ACOX3: variants seen among roughly 807,000 people sequenced by gnomAD.
ACOX3 encodes peroxisomal acyl-coenzyme A oxidase 3.
In ACOX3, 73 loss-of-function variants were observed where a neutral mutation model predicts 81.5. The ratio of observed to expected loss-of-function variants is 0.90; its 90% CI spans 0.74 to 1.09. The LOEUF is 1.09. Ranked by LOEUF, ACOX3 falls within the 50% of genes least tolerant of loss-of-function variation. The probability of loss-of-function intolerance (pLI) is 0.00; values close to 1 mark genes in which losing one functional copy is unlikely to be tolerated. For missense variants in ACOX3, 947 were observed against 928.0 expected (o/e 1.02, Z -0.27); for synonymous variants, 387 against 375.1 (o/e 1.03, Z -0.37).
chr4:8,411,648 C>G (rs771187674), intron 5 of ACOX3, among the ~76,000 whole-genome samples: 12 of 152,236 alleles, frequency 7.9e-5, no homozygotes, highest in Non-Finnish European at 1.3e-4. Context: ...CTGCACTGCT[C>G]CACACAGATC....
rs76179790 is a variant in ACOX3, at chr4:8,431,766, T to C, written c.-15+8882A>G. On this transcript the variant is annotated intron_variant, in intron 1 of 17. Transcript: ENST00000356406. The surrounding 1 kb of genome is among the most constrained non-coding windows in gnomAD (Gnocchi z 5.3). ...AGGGCCTCACCCACCCCCTCTCTTG[T>C]TTATCTTGACTTCTGTCCCACTTCT... 9.2e-5 allele frequency among the ~76,000 whole-genome samples: 14 copies of C among 152,258 alleles called. No individual in the cohort carries two copies. The East Asian group carries it at 2.7e-3, about 29-fold the overall frequency.
At chr4:8,363,922 A>T (rs937767946), downstream of ACOX3, among the ~76,000 whole-genome samples, 1 of 152,158 alleles carries the variant, frequency 6.6e-6, no homozygotes, top group African/African-American at 2.4e-5. Context: ...CCCTTTGATT[A>T]TTATATCACC....
intron 15 of ACOX3, chr4:8,374,311 C>G (rs1716647743): frequency 6.5e-6 from 1 of 153,064 alleles, no homozygotes; most frequent in Non-Finnish European, 1.5e-5. Context: ...ACACTTGTGT[C>G]CCTTCCTTGG....
intron 13 of ACOX3, among the ~76,000 whole-genome samples, chr4:8,383,140 C>A (rs546852308): frequency 6.6e-6 from 1 of 152,232 alleles, no homozygotes; most frequent in Non-Finnish European, 1.5e-5. Context: ...CAGGCTCACA[C>A]GTCAGGCGGC....
intron 7 of ACOX3, among the ~76,000 whole-genome samples, chr4:8,404,249 C>A (rs1560190158): frequency 6.6e-6 from 1 of 152,214 alleles, no homozygotes; most frequent in Non-Finnish European, 1.5e-5. Flanking sequence ...AAGCGCCTCC[C>A]AGGCACCCTG....
Position 8,414,578 on chromosome 4 carries a change from C to G in ACOX3, c.454-197G>C, listed in dbSNP as rs769843104. Among the ~76,000 whole-genome samples the G allele has an allele frequency of 2.4e-4, 36 of 152,170 alleles. No individual in the cohort carries two copies. Among genetic ancestry groups the G allele is most frequent in the Non-Finnish European group, 5.0e-4 (34 of 68,026 alleles). Reference sequence around the variant, plus strand: ...ACCACAGCAGCCTAAACCAAGCTGACCGCAGCTGCTCCACGTCAGCAAGGT... The same window carrying G: ...ACCACAGCAGCCTAAACCAAGCTGAGCGCAGCTGCTCCACGTCAGCAAGGT... On this transcript the variant is annotated intron_variant, in intron 4 of 17. Transcript: ENST00000356406. The surrounding 1 kb of genome is among the most constrained non-coding windows in gnomAD (Gnocchi z 6.1).
chr4:8,396,450 G>A (rs534220556), intron 9 of ACOX3, among the ~76,000 whole-genome samples: 2 of 152,316 alleles, frequency 1.3e-5, no homozygotes, highest in African/African-American at 2.4e-5. Flanking sequence ...GCTGAGGCAG[G>A]TGGATCACTG....
Position 8,389,326 on chromosome 4 carries a change from A to C in ACOX3, c.1424-40T>G. 4 of 1,575,754 alleles carry C rather than the reference A, an allele frequency of 2.5e-6. No individual in the cohort carries two copies. The highest frequency in any genetic ancestry group is 3.5e-6 in the Non-Finnish European group (4 of 1,153,468). ...CCAGTGACTTTGGTGGAAGACAGGA[A>C]CCCAAACCATTGGGAACCCCAAGCT... On this transcript the variant is annotated intron_variant, in intron 12 of 17. Transcript: ENST00000356406. The surrounding 1 kb of genome is among the most constrained non-coding windows in gnomAD (Gnocchi z 5.3).
In ACOX3 at chr4:8,397,032, G is replaced by A. The variant is rs1282309281; in HGVS notation, c.961C>T (p.Leu321=). Residue 321 remains leucine (L), a synonymous_variant, in exon 9 of 18, where the codon CTG becomes TTG. Transcript: ENST00000356406. ...IVSLAILNLK[L]AVAIALRFSA... ...AAGCGAAGAGCGATGGCCACGGCCA[G>A]CTTTAGGTTAAGGATGGCCAGGCTC... is the stretch of plus-strand genomic sequence containing the variant. 6.2e-7 allele frequency: 1 copy of A among 1,611,396 alleles called. No individual in the cohort carries two copies. The highest frequency in any genetic ancestry group is 2.2e-5 in the East Asian group (1 of 44,662).
rs138359459 is a variant in ACOX3 at position 8,394,734 on chromosome 4, G to A, written c.1065C>T (p.Arg355=). 7.7e-5 allele frequency: 124 copies of A among 1,613,212 alleles called. No individual in the cohort carries two copies. The highest frequency in any genetic ancestry group is 1.0e-4 in the Non-Finnish European group (122 of 1,179,720). The change falls in exon 10 of 18, where the codon CGC becomes CGT. Residue 355 remains arginine (R), a synonymous_variant. Transcript: ENST00000356406. This position sits in a 1 kb window ranked among gnomAD's most constrained non-coding sequence, Gnocchi z 5.9. The part of the protein sequence containing the change: ...PVLEYPMQQW[R]LLPYLAAVYA... ...AGACAGCTGCCAGATATGGAAGCAA[G>A]CGCCATTGCTAGAACAGACAAGACA...
At chr4:8,371,557 T>C (rs1280981500) in intron 16 of ACOX3, among the ~76,000 whole-genome samples, 1 of 152,016 alleles carries the variant, frequency 6.6e-6, no homozygotes, top group African/African-American at 2.4e-5. Context: ...ATCCTTAAAA[T>C]ATGATGAAAT....
At chr4:8,357,003 G>T in the ACOX3 span, 3 of 456,482 alleles carry the variant, frequency 6.6e-6, no homozygotes, top group East Asian at 2.1e-4. Flanking sequence ...GGGGAAGGAA[G>T]TGTGCAGAAT....
intron 1 of ACOX3, among the ~76,000 whole-genome samples, chr4:8,429,652 T>G (rs1363174829): frequency 1.3e-5 from 2 of 151,300 alleles, no homozygotes; most frequent in African/African-American, 4.9e-5. Flanking sequence ...GAAGGGAGAG[T>G]TAATTCAGGT....
At chr4:8,380,283 A>G (rs1717474292) in intron 14 of ACOX3, among the ~76,000 whole-genome samples, 1 of 144,388 alleles carries the variant, frequency 6.9e-6, no homozygotes, top group South Asian at 2.2e-4. Flanking sequence ...TCCACCTTCC[A>G]GGTTCAAGCG....
Position 8,414,717 on chromosome 4 carries a change from G to A in ACOX3, c.453+137C>T. 1.2e-6 allele frequency: 1 copy of A among 811,256 alleles called. No individual in the cohort carries two copies. Among genetic ancestry groups the A allele is most frequent in the Non-Finnish European group, 2.0e-6 (1 of 493,906 alleles). 50.3% of individuals were successfully genotyped at this position (811,256 alleles called of 1,614,324 possible). A position where few individuals can be genotyped will look rare whatever the true frequency, so the allele number is the denominator to read the frequency against. ...AAGAACAGTGCTAGCTATTTGGTGA[G>A]AAGCCTGAGAACACTAGGAAACAAG... On this transcript the variant is annotated intron_variant, in intron 4 of 17. Transcript: ENST00000356406. The surrounding 1 kb of genome is among the most constrained non-coding windows in gnomAD (Gnocchi z 6.1).
intron 1 of ACOX3, among the ~76,000 whole-genome samples, chr4:8,439,918 G>A (rs1162323042): frequency 6.9e-6 from 1 of 145,606 alleles, no homozygotes; most frequent in Non-Finnish European, 1.5e-5. Context: ...GGAAAAGAGA[G>A]AAAGCAAAAA....
intron 7 of ACOX3, among the ~76,000 whole-genome samples, chr4:8,402,958 C>T (rs904896334): frequency 1.6e-4 from 25 of 152,208 alleles, no homozygotes; most frequent in Non-Finnish European, 3.2e-4. Flanking sequence ...CAGAGCAGGC[C>T]GTTGAGTTCG....
intron 1 of ACOX3, among the ~76,000 whole-genome samples, chr4:8,426,564 C>A (rs1169125536): frequency 6.8e-6 from 1 of 146,276 alleles, no homozygotes; most frequent in Non-Finnish European, 1.5e-5. Flanking sequence ...CACCTCACCC[C>A]CTCCATGCCG....
chr4:8,389,376 T>C lies in ACOX3; in HGVS notation c.1424-90A>G, dbSNP rs1054065133. On this transcript the variant is annotated intron_variant, in intron 12 of 17. Coordinates refer to ENST00000356406, the MANE Select transcript of ACOX3 (RefSeq NM_003501.3). This position sits in a 1 kb window ranked among gnomAD's most constrained non-coding sequence, Gnocchi z 5.3. The stretch of plus-strand genomic sequence containing the variant: ...TGGGGGCACCCCAAAGCACAGAGAG[T>C]GTCCAGAGGACCCGACGGCCACAGA... 65 of 1,383,762 alleles carry C rather than the reference T, an allele frequency of 4.7e-5. No individual in the cohort carries two copies. The highest frequency in any genetic ancestry group is 1.3e-5 in the South Asian group (1 of 79,086). 85.7% of individuals were successfully genotyped at this position (1,383,762 alleles called of 1,614,324 possible).
Sources: allele counts gnomAD v4.1 joint callset (sites outside exome capture counted in the v4.1 genomes callset), GRCh38; gene constraint gnomAD v4.1.1; non-coding constraint Gnocchi (gnomAD v3.1); transcripts MANE v1.5; gene names NCBI Gene and HGNC (gene_info 2026-07-23, HGNC 2026-07-21).